The following CSMD1 variants were observed in gnomAD, a reference collection of about 807,000 sequenced individuals.
CSMD1 encodes CUB and sushi domain-containing protein 1.
Under a neutral mutation model 417.5 loss-of-function variants are expected in CSMD1, and 213 were observed. The ratio of observed to expected loss-of-function variants is 0.51; its 90% CI spans 0.46 to 0.57. The LOEUF (loss-of-function observed/expected upper bound fraction) is 0.57, where lower values mean the gene tolerates loss of function less well. CSMD1 is among the 20% of genes least tolerant of loss of function. The pLI, the probability that CSMD1 is intolerant of heterozygous loss-of-function variation, is 0.00. For synonymous variants in CSMD1, 2,862 were observed against 1,736.8 expected, an observed-to-expected ratio of 1.65 and a Z score of -16.11; for missense variants, 6,923 against 4,529.7, an observed-to-expected ratio of 1.53 and a Z score of -15.17.
Position 4,451,406 on chromosome 8 carries a change from G to A in CSMD1, c.303-31341C>T, listed in dbSNP as rs139417489. On this transcript the variant is annotated intron_variant, in intron 2 of 69. Transcript: ENST00000635120. ...AAGATAATTATTGAACATGTGCTAT[G>A]ATCAGTGTTTTCCACACTGAAAAAG... 3.7e-3 allele frequency among the ~76,000 whole-genome samples: 562 copies of A among 152,266 alleles called. 6 individuals are homozygous for A. Among genetic ancestry groups the A allele is most frequent in the African/African-American group, 0.013 (548 of 41,558 alleles).
At chr8:3,345,229 A>G (rs896337850) in intron 22 of CSMD1, among the ~76,000 whole-genome samples, 2 of 152,166 alleles carry the variant, frequency 1.3e-5, no homozygotes, top group Non-Finnish European at 2.9e-5. Flanking sequence ...GGACTTGACC[A>G]AGCGCACCGT....
intron 3 of CSMD1, among the ~76,000 whole-genome samples, chr8:4,270,486 T>G (rs542221480): frequency 1.3e-5 from 2 of 152,280 alleles, no homozygotes; most frequent in Non-Finnish European, 2.9e-5. Flanking sequence ...TCTCCCCATG[T>G]GGCATATCTC....
intron 2 of CSMD1, among the ~76,000 whole-genome samples, chr8:4,595,854 A>G (rs1188117042): frequency 2.0e-5 from 3 of 152,156 alleles, no homozygotes; most frequent in Admixed American, 2.0e-4. Context: ...ACACGTCTAC[A>G]TGGATCTTCC....
At chr8:4,041,891 T>C (rs550845271) in intron 3 of CSMD1, among the ~76,000 whole-genome samples, 1 of 151,962 alleles carries the variant, frequency 6.6e-6, no homozygotes, top group Non-Finnish European at 1.5e-5. Flanking sequence ...TGTTATAAGG[T>C]AGAATAGATA....
intron 2 of CSMD1, among the ~76,000 whole-genome samples, chr8:4,542,281 T>G (rs1797424967): frequency 6.6e-6 from 1 of 151,886 alleles, no homozygotes; most frequent in South Asian, 2.1e-4. Flanking sequence ...ATAAACACAG[T>G]CAACAAAACC....
At chr8:4,908,295 C>G (rs1308997388) in intron 1 of CSMD1, among the ~76,000 whole-genome samples, 2 of 152,094 alleles carry the variant, frequency 1.3e-5, no homozygotes, top group Non-Finnish European at 2.9e-5. Flanking sequence ...TCCTTTATCT[C>G]TGGTTTTGTG....
intron 10 of CSMD1, among the ~76,000 whole-genome samples, chr8:3,521,547 ATAAG>A: frequency 6.6e-6 from 1 of 152,154 alleles, no homozygotes; most frequent in Non-Finnish European, 1.5e-5. Context: ...ATCAGTAAAC[ATAAG>A]TTACTCCCAA....
At chr8:3,928,494 A>AGAAGAAACAAGATTTAGAGT (rs1584981869) in intron 5 of CSMD1, among the ~76,000 whole-genome samples, 1 of 151,502 alleles carries the variant, frequency 6.6e-6, no homozygotes, top group Non-Finnish European at 1.5e-5. Flanking sequence ...AGTTAAGTGG[A>AGAAGAAACAAGATTTAGAGT]ACAGGGGGCA....
At chr8:4,202,412 G>C (rs1208286625) in intron 3 of CSMD1, among the ~76,000 whole-genome samples, 2 of 152,132 alleles carry the variant, frequency 1.3e-5, no homozygotes, top group Non-Finnish European at 2.9e-5. Flanking sequence ...TTTTTCACAA[G>C]AATGGAAGAA....
chr8:4,769,511 T>C (rs765780610), intron 1 of CSMD1, among the ~76,000 whole-genome samples: 45 of 152,194 alleles, frequency 3.0e-4, no homozygotes, highest in Non-Finnish European at 5.0e-4. Context: ...AATTATGAAA[T>C]ACTTAGAATA....
intron 3 of CSMD1, among the ~76,000 whole-genome samples, chr8:4,196,038 C>T (rs538317054): frequency 6.6e-6 from 1 of 152,070 alleles, no homozygotes; most frequent in African/African-American, 2.4e-5. Flanking sequence ...AGTGAAACCT[C>T]GTCTCTACTG....
chr8:4,012,947 G>C (rs967222226), intron 4 of CSMD1, among the ~76,000 whole-genome samples: 2 of 152,004 alleles, frequency 1.3e-5, no homozygotes, highest in African/African-American at 4.8e-5. Flanking sequence ...GTCCAAATGT[G>C]TCTGGCCATC....
chr8:3,915,326 A>G (rs1808741874), intron 5 of CSMD1, among the ~76,000 whole-genome samples: 1 of 150,468 alleles, frequency 6.6e-6, no homozygotes, highest in Admixed American at 6.6e-5. Flanking sequence ...GAATCATTTG[A>G]ACCCAGGAAG....
intron 8 of CSMD1, among the ~76,000 whole-genome samples, chr8:3,587,824 T>C (rs1800671107): frequency 6.6e-6 from 1 of 152,132 alleles, no homozygotes; most frequent in Admixed American, 6.5e-5. Context: ...GATTTATCTG[T>C]CTAGGAAGTT....
intron 6 of CSMD1, 83 bp from the exon 7 acceptor site, chr8:3,708,574 A>G (rs1043041726): frequency 2.6e-6 from 3 of 1,170,902 alleles, no homozygotes; most frequent in Non-Finnish European, 3.8e-6. Context: ...ACTTCCAGTC[A>G]TAACTGCTTT....
chr8:4,933,718 C>A (rs1451211280), intron 1 of CSMD1, among the ~76,000 whole-genome samples: 1 of 152,140 alleles, frequency 6.6e-6, no homozygotes, highest in East Asian at 1.9e-4. Flanking sequence ...TGGATGAATG[C>A]ACAGATGGTG....
intron 49 of CSMD1, among the ~76,000 whole-genome samples, chr8:3,085,614 T>C (rs1814469374): frequency 6.6e-6 from 1 of 152,220 alleles, no homozygotes; most frequent in Admixed American, 6.5e-5. Flanking sequence ...CAGTGTGCAC[T>C]ATTTGTATTT....
chr8:4,247,919 A>T (rs1316865151), intron 3 of CSMD1, among the ~76,000 whole-genome samples: 2 of 152,194 alleles, frequency 1.3e-5, no homozygotes, highest in African/African-American at 2.4e-5. Flanking sequence ...TATTAATGTG[A>T]TGTAGGTACA....
intron 1 of CSMD1, among the ~76,000 whole-genome samples, chr8:4,837,526 C>G (rs1217085999): frequency 6.6e-6 from 1 of 152,082 alleles, no homozygotes; most frequent in African/African-American, 2.4e-5. Flanking sequence ...CTTTTTGCAG[C>G]TTTGGTTCTT....
Sources: allele counts gnomAD v4.1 joint callset (sites outside exome capture counted in the v4.1 genomes callset), GRCh38; gene constraint gnomAD v4.1.1; transcripts MANE v1.5; gene names NCBI Gene and HGNC (gene_info 2026-07-23, HGNC 2026-07-21).